Variants in ATP11C observed in about 807,000 individuals in gnomAD.
The protein encoded by ATP11C is ATPase phospholipid transporting 11C (ATP11C blood group).
In ATP11C, 36 loss-of-function variants were observed where a neutral mutation model predicts 97.4. The observed-to-expected ratio is 0.37, with a 90% CI of 0.28 to 0.49. ATP11C has a LOEUF of 0.49. ATP11C is among the 20% of genes least tolerant of loss of function. ATP11C has a pLI of 0.98. For synonymous variants in ATP11C, 275 were observed against 290.9 expected (o/e 0.95, Z 0.56); for missense variants, 730 against 824.6 (o/e 0.89, Z 1.40).
upstream of ATP11C, among the ~76,000 whole-genome samples, chrX:139,935,606 T>A (rs1427536117): frequency 9.0e-6 from 1 of 111,477 alleles, no homozygotes; most frequent in Non-Finnish European, 1.9e-5. Context: ...TATTGTTGAT[T>A]TTTATTTGTT....
chrX:139,741,361 T>A (rs868847143), intron 26 of ATP11C, among the ~76,000 whole-genome samples: 3 of 110,267 alleles, frequency 2.7e-5, no homozygotes, highest in South Asian at 3.9e-4. Flanking sequence ...GCTGCAGATA[T>A]CTCAGTACTG....
In ATP11C at chrX:139,762,078, T is replaced by C. The variant is rs1334007439; in HGVS notation, c.2523A>G (p.Ala841=). 8.3e-7 allele frequency: 1 copy of C among 1,208,134 alleles called. No homozygotes were observed. The highest frequency in any genetic ancestry group is 1.8e-5 in the South Asian group (1 of 56,315). Residue 841 remains alanine (A), a synonymous_variant, in exon 22 of 30, where the codon GCA becomes GCG. Transcript: ENST00000682941. ...GAACAGAATAATCGCTATTCCTAGCTGCTTGGCGACCTTCTTTGCCTTTAA... is the reference window on the plus strand; with the variant it reads ...GAACAGAATAATCGCTATTCCTAGCCGCTTGGCGACCTTCTTTGCCTTTAA... ...IGIKGKEGRQ[A]ARNSDYSVPK...
chrX:139,840,725 G>T (rs1321079194), intron 1 of ATP11C, among the ~76,000 whole-genome samples: 1 of 111,903 alleles, frequency 8.9e-6, no homozygotes, highest in Admixed American at 9.5e-5. Context: ...CCAGTCATGA[G>T]CTGTTCTCTT....
chrX:139,798,238 CAAT>C (rs780577428), intron 10 of ATP11C, 32 bp downstream of exon 10: 21 of 1,103,459 alleles, frequency 1.9e-5, no homozygotes, highest in African/African-American at 1.5e-4. Context: ...CTATTTTAAT[CAAT>C]AATGACTAAA....
In ATP11C at chrX:139,913,912, A is replaced by G. The variant is rs146484271; in HGVS notation, c.27+18104T>C. 5.6e-3 allele frequency among the ~76,000 whole-genome samples: 624 copies of G among 111,853 alleles called. 11 individuals are homozygous for G. The highest frequency in any genetic ancestry group is 0.019 in the African/African-American group (572 of 30,794). ...ATATAAAATTCAGTTCAAACTCATTACTATTAAAGGGGAAACTGAAATTTG... is the reference window on the plus strand; with the variant it reads ...ATATAAAATTCAGTTCAAACTCATTGCTATTAAAGGGGAAACTGAAATTTG... On this transcript the variant is annotated intron_variant, in intron 1 of 29. Transcript: ENST00000682941.
chrX:139,845,613 A>G (rs1324715034), intron 1 of ATP11C, among the ~76,000 whole-genome samples: 1 of 111,940 alleles, frequency 8.9e-6, no homozygotes, highest in Non-Finnish European at 1.9e-5. Flanking sequence ...TTAAGTTTAC[A>G]TCAATCAAGT....
At chrX:139,833,093 A>C (rs2083683882) in intron 1 of ATP11C, among the ~76,000 whole-genome samples, 1 of 112,140 alleles carries the variant, frequency 8.9e-6, no homozygotes, top group Non-Finnish European at 1.9e-5. Flanking sequence ...ACAGGGTTTT[A>C]TTTCTTTTTT....
At chrX:139,878,309 G>A (rs768171543) in intron 1 of ATP11C, among the ~76,000 whole-genome samples, 5 of 111,812 alleles carry the variant, frequency 4.5e-5, no homozygotes, top group African/African-American at 1.6e-4. Flanking sequence ...TGGTGTGCAG[G>A]TAGCCAGAAA....
At chrX:139,927,627 A>T (rs934911560) in intron 1 of ATP11C, among the ~76,000 whole-genome samples, 7 of 110,674 alleles carry the variant, frequency 6.3e-5, no homozygotes, top group African/African-American at 2.3e-4. Flanking sequence ...AATAAAAATA[A>T]AAATAAATAA....
chrX:139,785,059 T>A (rs1413138697), intron 16 of ATP11C, among the ~76,000 whole-genome samples, 167 bp downstream of exon 16: 1 of 112,013 alleles, frequency 8.9e-6, no homozygotes, highest in African/African-American at 3.3e-5. Context: ...AAACAGAACA[T>A]CTGTGCTTAA....
intron 7 of ATP11C, among the ~76,000 whole-genome samples, chrX:139,800,409 T>C (rs148138584): frequency 0.017 from 1,939 of 112,310 alleles, 36 homozygotes; most frequent in African/African-American, 0.058. Flanking sequence ...CTCTCTCTTT[T>C]ATAAGTTTAT....
At chrX:139,891,274 A>G in intron 1 of ATP11C, among the ~76,000 whole-genome samples, 1 of 110,747 alleles carries the variant, frequency 9.0e-6, no homozygotes. Context: ...GGTGGACTAG[A>G]AAGTTGGTGT....
At chrX:139,868,441 C>T (rs1231895515) in intron 1 of ATP11C, among the ~76,000 whole-genome samples, 1 of 109,676 alleles carries the variant, frequency 9.1e-6, no homozygotes, top group South Asian at 3.9e-4. Flanking sequence ...CCTGGCCAGG[C>T]GCGGTGGCTC....
chrX:139,776,403 A>T (rs1303344865), intron 18 of ATP11C, among the ~76,000 whole-genome samples: 1 of 112,012 alleles, frequency 8.9e-6, no homozygotes, highest in Non-Finnish European at 1.9e-5. Flanking sequence ...GGCTCGGCCA[A>T]AGCCCATTTT....
Position 139,931,973 on chromosome X carries a change from G to GC in ATP11C, c.27+42dup, listed in dbSNP as rs1389509252. On this transcript the variant is annotated intron_variant, in intron 1 of 29. Coordinates refer to ENST00000682941, the MANE Select transcript of ATP11C (RefSeq NM_001353812.2). ...AGGGACCCGGCGAAGGGGCTGGCGAGCAAGCAAACCGGCACGCGCGGAGCC... is the reference window on the plus strand; with the variant it reads ...AGGGACCCGGCGAAGGGGCTGGCGAGCCAAGCAAACCGGCACGCGCGGAGCC... 1.2e-5 allele frequency: 14 copies of GC among 1,146,060 alleles called. No homozygotes were observed. The South Asian group carries it at 2.6e-4, about 21-fold the overall frequency. The allele number at this position is 1,146,060 out of a possible 1,213,427, so 94.4% of individuals were successfully genotyped here. A position where few individuals can be genotyped will look rare whatever the true frequency, so the allele number is the denominator to read the frequency against.
chrX:139,876,113 T>A (rs1023128213), intron 1 of ATP11C, among the ~76,000 whole-genome samples: 1 of 111,253 alleles, frequency 9.0e-6, no homozygotes, highest in Non-Finnish European at 1.9e-5. Context: ...TACACTACAG[T>A]AGGAAGTAGG....
chrX:139,817,801 A>G (rs1569469865), intron 3 of ATP11C, among the ~76,000 whole-genome samples: 1 of 111,388 alleles, frequency 9.0e-6, no homozygotes, highest in Non-Finnish European at 1.9e-5. Context: ...TTAGATGTAA[A>G]TGCTAATATT....
At chrX:139,791,403 G>A (rs1300253978) in intron 12 of ATP11C, among the ~76,000 whole-genome samples, 1 of 111,819 alleles carries the variant, frequency 8.9e-6, no homozygotes, top group Non-Finnish European at 1.9e-5. Flanking sequence ...AAAATATAAA[G>A]TACAATTTAT....
intron 13 of ATP11C, 81 bp from the exon 14 acceptor site, chrX:139,788,424 T>G (rs1444331300): frequency 1.1e-6 from 1 of 890,872 alleles, no homozygotes; most frequent in Non-Finnish European, 1.6e-6. Context: ...GAAAATATAT[T>G]AATGTGAGAG....
Sources: allele counts gnomAD v4.1 joint callset (sites outside exome capture counted in the v4.1 genomes callset), GRCh38; gene constraint gnomAD v4.1.1; transcripts MANE v1.5; gene names NCBI Gene and HGNC (gene_info 2026-07-23, HGNC 2026-07-21).